MTPAP: variants seen among roughly 807,000 people sequenced by gnomAD.
MTPAP encodes poly(A) RNA polymerase, mitochondrial.
MTPAP carries 23 observed loss-of-function variants against 48.7 expected under a neutral mutation model. The ratio of observed to expected loss-of-function variants is 0.47; its 90% CI spans 0.34 to 0.67. The LOEUF (loss-of-function observed/expected upper bound fraction) is 0.67, where lower values mean the gene tolerates loss of function less well. Ranked by LOEUF, MTPAP falls within the 30% of genes least tolerant of loss-of-function variation. The pLI, the probability that MTPAP is intolerant of heterozygous loss-of-function variation, is 0.01. For synonymous variants in MTPAP, 257 were observed against 254.1 expected (o/e 1.01, Z -0.11); for missense variants, 614 against 694.3 (o/e 0.88, Z 1.30).
In MTPAP at chr10:30,313,716, T is replaced by TA. The variant is rs1291968530; in HGVS notation, c.1641dup (p.Lys548Ter). ...TTTTTGACTGTTTCAATTGCAAACT[T>TA]ATTGCTTTTCTTCTTGGTAAAGGAC... is the stretch of plus-strand genomic sequence containing the variant. On this transcript the variant is annotated frameshift_variant, in exon 9 of 9. Transcript: ENST00000263063. LOFTEE classifies it low-confidence loss of function (END_TRUNC). 5.6e-6 allele frequency: 9 copies of TA among 1,614,238 alleles called. No homozygotes were observed. In the South Asian group the frequency reaches 9.9e-5, roughly 18 times the overall value.
chr10:30,318,447 TTAAC>T (rs1227558102), intron 6 of MTPAP, among the ~76,000 whole-genome samples: 2 of 152,236 alleles, frequency 1.3e-5, no homozygotes, highest in African/African-American at 2.4e-5. Context: ...TTTCAAGTAA[TTAAC>T]AGTGTATGTT....
chr10:30,322,903 G>A (rs1285811598), intron 5 of MTPAP, among the ~76,000 whole-genome samples: 1 of 151,948 alleles, frequency 6.6e-6, no homozygotes, highest in East Asian at 1.9e-4. Context: ...CTGGGAGGCC[G>A]AGGTGGGCGG....
rs1162921792 is a variant in MTPAP, at chr10:30,311,420, A to T, written c.*2189T>A. The T allele has an allele frequency of 1.3e-5, 2 of 152,220 alleles. No individual in the cohort carries two copies. The highest frequency in any genetic ancestry group is 3.8e-4 in the East Asian group (2 of 5,202). The allele number at this position is 152,220 out of a possible 1,614,324, so 9.4% of individuals were successfully genotyped here. ...AAATTTTTAAAGTACTACAAACTCT[A>T]AATCTGAATTTTGAGTAGCAAAAAA... On this transcript the variant is annotated 3_prime_UTR_variant, in exon 9 of 9. Transcript: ENST00000263063.
At chr10:30,321,853 G>A (rs1208335273) in intron 6 of MTPAP, among the ~76,000 whole-genome samples, 1 of 152,144 alleles carries the variant, frequency 6.6e-6, no homozygotes, top group Non-Finnish European at 1.5e-5. Context: ...GCAAGGCTGA[G>A]GCACAAGAAT....
At chr10:30,342,543 C>CAAAA (rs59507352) in intron 1 of MTPAP, among the ~76,000 whole-genome samples, 8 of 136,558 alleles carry the variant, frequency 5.9e-5, no homozygotes, top group Non-Finnish European at 1.1e-4. Context: ...CGGAGTTCCA[C>CAAAA]AAAAAAAAAA....
intron 6 of MTPAP, among the ~76,000 whole-genome samples, chr10:30,317,425 G>C (rs953977046): frequency 5.3e-5 from 8 of 152,146 alleles, no homozygotes; most frequent in African/African-American, 9.7e-5. Flanking sequence ...CAGTAATTCA[G>C]CAAAACAAAC....
chr10:30,314,384 CT>C (rs1840636323), intron 8 of MTPAP, among the ~76,000 whole-genome samples: 1 of 152,028 alleles, frequency 6.6e-6, no homozygotes, highest in Non-Finnish European at 1.5e-5. Flanking sequence ...ATTTCTGAGA[CT>C]TGCTAAAAGC....
intron 4 of MTPAP, among the ~76,000 whole-genome samples, chr10:30,327,075 G>A (rs995126653): frequency 2.6e-5 from 4 of 152,116 alleles, no homozygotes; most frequent in Non-Finnish European, 4.4e-5. Flanking sequence ...AGACTAGATG[G>A]TGTAAACAGG....
intron 1 of MTPAP, among the ~76,000 whole-genome samples, chr10:30,342,433 T>C (rs1366642783): frequency 2.0e-5 from 3 of 151,968 alleles, no homozygotes; most frequent in Non-Finnish European, 4.4e-5. Flanking sequence ...GTGGAATTAC[T>C]GCACTTTCAG....
chr10:30,326,346 C>T (rs1834597321), intron 5 of MTPAP, 78 bp downstream of exon 5: 1 of 1,290,636 alleles, frequency 7.7e-7, no homozygotes. Context: ...ATTACAAAGC[C>T]ACTGTTTCTG....
At position 30,341,573 on chromosome 10, in the gene MTPAP, C is replaced by T; in HGVS notation, c.225G>A (p.Gln75=). ...CTGGGCAATGTATTAAAACAGTCCG[C>T]TGTGCCTGTTCTCGTCTTTCATTTT... ...EMQNERREQA[Q]RTVLIHCPEK... Residue 75 remains glutamine, a synonymous_variant, in exon 2 of 9, where the codon CAG becomes CAA. Coordinates refer to ENST00000263063, the MANE Select transcript of MTPAP (RefSeq NM_018109.4). The T allele has an allele frequency of 1.2e-6, 2 of 1,614,098 alleles. No homozygotes were observed. Among genetic ancestry groups the T allele is most frequent in the Non-Finnish European group, 1.7e-6 (2 of 1,179,976 alleles).
chr10:30,328,873 C>G (rs570735809), intron 4 of MTPAP, among the ~76,000 whole-genome samples: 3 of 151,878 alleles, frequency 2.0e-5, no homozygotes, highest in Non-Finnish European at 2.9e-5. Context: ...GAGTTAAGGA[C>G]AGAGAGAGAG....
chr10:30,314,959 C>A (rs1406861736), intron 8 of MTPAP, among the ~76,000 whole-genome samples: 1 of 150,598 alleles, frequency 6.6e-6, no homozygotes, highest in Non-Finnish European at 1.5e-5. Flanking sequence ...CTAACATAAG[C>A]CATTAGTCTA....
In MTPAP at chr10:30,311,221, T is replaced by C. The variant is rs573697205; in HGVS notation, c.*2388A>G. 18 of 152,242 alleles carry C rather than the reference T, an allele frequency of 1.2e-4. No individual in the cohort carries two copies. In the East Asian group the frequency reaches 2.7e-3, roughly 23 times the overall value. The allele number at this position is 152,242 out of a possible 1,614,324, so 9.4% of individuals were successfully genotyped here. The stretch of plus-strand genomic sequence containing the variant: ...AACAAAATAAAGAACAAATGAAAAA[T>C]GGCTTTTAAAGACATCGCCTGTACA... On this transcript the variant is annotated 3_prime_UTR_variant, in exon 9 of 9. Transcript: ENST00000263063.
chr10:30,321,624 G>C (rs1260510013), intron 6 of MTPAP, among the ~76,000 whole-genome samples: 1 of 152,210 alleles, frequency 6.6e-6, no homozygotes, highest in Non-Finnish European at 1.5e-5. Flanking sequence ...CGTGTCTAGA[G>C]AGCTAAAGAT....
intron 4 of MTPAP, among the ~76,000 whole-genome samples, chr10:30,336,102 C>T (rs1327675732): frequency 2.0e-5 from 3 of 152,080 alleles, no homozygotes; most frequent in African/African-American, 4.8e-5. Flanking sequence ...CAAGAATTAT[C>T]AGCAGTAACA....
intron 1 of MTPAP, among the ~76,000 whole-genome samples, 195 bp from the exon 2 acceptor site, chr10:30,341,835 T>C (rs1314199747): frequency 2.0e-5 from 3 of 152,250 alleles, no homozygotes; most frequent in Non-Finnish European, 4.4e-5. Context: ...CCAAGATGCC[T>C]GTAAATGCTT....
intron 1 of MTPAP, among the ~76,000 whole-genome samples, chr10:30,346,518 C>T (rs2132873357): frequency 6.6e-6 from 1 of 152,282 alleles, no homozygotes; most frequent in African/African-American, 2.4e-5. Flanking sequence ...AATAGTTTTC[C>T]AAGCACTGTC....
chr10:30,345,177 A>T (rs927123082), intron 1 of MTPAP, among the ~76,000 whole-genome samples: 1 of 152,212 alleles, frequency 6.6e-6, no homozygotes, highest in Non-Finnish European at 1.5e-5. Flanking sequence ...AATTTACTGA[A>T]ATCTTACTAT....
Sources: allele counts gnomAD v4.1 joint callset (sites outside exome capture counted in the v4.1 genomes callset), GRCh38; gene constraint gnomAD v4.1.1; transcripts MANE v1.5; gene names NCBI Gene and HGNC (gene_info 2026-07-23, HGNC 2026-07-21).